SLIT3: variants seen among roughly 807,000 people sequenced by gnomAD.
SLIT3 encodes the protein slit homolog 3 protein.
In SLIT3, 68 loss-of-function variants were observed where a neutral mutation model predicts 184.0. That is an observed-to-expected ratio of 0.37 (90% confidence interval 0.30 to 0.45). The LOEUF is 0.45. SLIT3 is among the 20% of genes least tolerant of loss of function. SLIT3 has a pLI of 1.00. For synonymous variants in SLIT3, 831 were observed against 828.6 expected (o/e 1.00, Z -0.05); for missense variants, 1,707 against 2,026.0 (o/e 0.84, Z 3.02).
intron 4 of SLIT3, among the ~76,000 whole-genome samples, chr5:168,982,572 T>C (rs1754985417): frequency 6.6e-6 from 1 of 152,222 alleles, no homozygotes; most frequent in African/African-American, 2.4e-5. Context: ...TTCTAGTAAG[T>C]TATTTTTATA....
intron 9 of SLIT3, among the ~76,000 whole-genome samples, chr5:168,802,146 GAA>G (rs57706263): frequency 8.2e-4 from 90 of 109,730 alleles, no homozygotes; most frequent in African/African-American, 1.7e-3. Flanking sequence ...TTCTCAATAA[GAA>G]AAAAAAAAAA....
chr5:169,066,441 C>A (rs757873805), intron 4 of SLIT3, among the ~76,000 whole-genome samples: 1 of 152,134 alleles, frequency 6.6e-6, no homozygotes, highest in African/African-American at 2.4e-5. Flanking sequence ...CATGAAAAAA[C>A]GCTCAACTTA....
At chr5:168,921,535 G>A (rs1404074763) in intron 4 of SLIT3, among the ~76,000 whole-genome samples, 1 of 152,166 alleles carries the variant, frequency 6.6e-6, no homozygotes, top group African/African-American at 2.4e-5. Context: ...AAAAATGAGC[G>A]CATTAGTTCT....
chr5:169,210,924 C>CAACATTGATGTTGG (rs1260781700), intron 3 of SLIT3, among the ~76,000 whole-genome samples: 2 of 152,082 alleles, frequency 1.3e-5, no homozygotes, highest in Admixed American at 6.5e-5. Context: ...TGGGTGTGGC[C>CAACATTGATGTTGG]ATGTAACTTG....
chr5:168,827,892 T>G (rs7726584), intron 6 of SLIT3, among the ~76,000 whole-genome samples: 18,197 of 152,270 alleles, frequency 0.12, 1,500 homozygotes, highest in African/African-American at 0.24. Context: ...GTCGATCTGC[T>G]TTTGCATTAC....
Position 168,685,935 on chromosome 5 carries a change from G to T in SLIT3, c.3315-8C>A. On this transcript the variant is annotated splice_polypyrimidine_tract_variant and splice_region_variant and intron_variant, in intron 30 of 35. Transcript: ENST00000519560. ...TGTTCACAGAAGGGTCCACTGGAAG[G>T]CAGGAGAGAATGGGGAGGGAGATAG... 6.2e-7 allele frequency: 1 copy of T among 1,601,522 alleles called. No individual in the cohort carries two copies.
At chr5:168,773,861 G>T (rs1220300037) in intron 13 of SLIT3, among the ~76,000 whole-genome samples, 1 of 152,160 alleles carries the variant, frequency 6.6e-6, no homozygotes, top group Non-Finnish European at 1.5e-5. Flanking sequence ...CAGGGGTTAT[G>T]AGGGTAGCTC....
chr5:169,112,731 A>G (rs1014109063), intron 4 of SLIT3, among the ~76,000 whole-genome samples: 2 of 152,092 alleles, frequency 1.3e-5, no homozygotes, highest in African/African-American at 4.8e-5. Context: ...GGGGCACCCA[A>G]TGGGAGTCAT....
intron 4 of SLIT3, among the ~76,000 whole-genome samples, chr5:169,015,954 A>C (rs1214588543): frequency 2.2e-5 from 3 of 137,660 alleles, no homozygotes; most frequent in Non-Finnish European, 4.7e-5. Context: ...ACACACACAC[A>C]CACACACACA....
intron 1 of SLIT3, chr5:169,263,810 A>G: frequency 2.6e-6 from 1 of 389,148 alleles, no homozygotes; most frequent in Non-Finnish European, 5.0e-6. Flanking sequence ...TTGGTCTTTC[A>G]TCACGTTGCC....
At chr5:168,850,999 G>T (rs1406399486) in intron 5 of SLIT3, among the ~76,000 whole-genome samples, 1 of 152,180 alleles carries the variant, frequency 6.6e-6, no homozygotes, top group Non-Finnish European at 1.5e-5. Context: ...GTTGAAAAAT[G>T]CAGGGGGAAG....
intron 14 of SLIT3, chr5:168,768,193 C>A: frequency 1.9e-6 from 1 of 526,068 alleles, no homozygotes; most frequent in South Asian, 1.4e-5. Context: ...AACCATGTTC[C>A]GTTTCCATCG....
chr5:169,045,146 C>T (rs1757584988), intron 4 of SLIT3, among the ~76,000 whole-genome samples: 1 of 152,162 alleles, frequency 6.6e-6, no homozygotes, highest in African/African-American at 2.4e-5. Flanking sequence ...GTGACAGCAA[C>T]AGAAGACGAC....
At position 168,683,872 on chromosome 5, in the gene SLIT3, C is replaced by T. The variant is rs114464735; in HGVS notation, c.3686+94G>A. 2,126 of 1,234,594 alleles carry T rather than the reference C, an allele frequency of 1.7e-3. 33 individuals carry two copies. The African/African-American group carries it at 0.028, about 16-fold the overall frequency. The allele number at this position is 1,234,594 out of a possible 1,614,324, so 76.5% of individuals were successfully genotyped here. On this transcript the variant is annotated intron_variant, in intron 32 of 35. Coordinates refer to ENST00000519560, the MANE Select transcript of SLIT3 (RefSeq NM_003062.4). ...GGTAGGGGCGGGGAGAAGGGACACC[C>T]GAGTTCTCCTGAATCCCCCTTCTGA...
intron 4 of SLIT3, among the ~76,000 whole-genome samples, chr5:168,941,526 G>A (rs1401240269): frequency 3.3e-5 from 5 of 152,096 alleles, no homozygotes; most frequent in Admixed American, 1.3e-4. Context: ...TTTCTGCACC[G>A]TACCTAAGTA....
chr5:168,884,177 C>A (rs541102742), intron 4 of SLIT3, among the ~76,000 whole-genome samples: 1 of 150,794 alleles, frequency 6.6e-6, no homozygotes, highest in Admixed American at 6.6e-5. Flanking sequence ...TCACTAAGAA[C>A]GCAGGCCTGC....
intron 1 of SLIT3, among the ~76,000 whole-genome samples, chr5:169,299,203 T>C (rs1767602491): frequency 6.6e-6 from 1 of 151,990 alleles, no homozygotes. Context: ...AACAAAACAA[T>C]CACTGCACTT....
intron 3 of SLIT3, among the ~76,000 whole-genome samples, chr5:169,220,828 T>C (rs1764594216): frequency 6.6e-6 from 1 of 152,176 alleles, no homozygotes. Flanking sequence ...CTCCCAAAGC[T>C]TGGTGCAGGT....
At chr5:169,143,944 C>G (rs1308905823) in intron 4 of SLIT3, among the ~76,000 whole-genome samples, 1 of 152,156 alleles carries the variant, frequency 6.6e-6, no homozygotes, top group Non-Finnish European at 1.5e-5. Context: ...ACAGAAATAT[C>G]AAAGTAGAAT....
Sources: allele counts gnomAD v4.1 joint callset (sites outside exome capture counted in the v4.1 genomes callset), GRCh38; gene constraint gnomAD v4.1.1; transcripts MANE v1.5; gene names NCBI Gene and HGNC (gene_info 2026-07-23, HGNC 2026-07-21).